The following TBL1Y variants were observed in gnomAD, a reference collection of about 807,000 sequenced individuals.
TBL1Y encodes the protein transducin beta like 1 Y-linked.
TBL1Y carries 15 observed loss-of-function variants against 12.0 expected under a neutral mutation model. That is an observed-to-expected ratio of 1.25 (90% confidence interval 0.83 to 1.92). TBL1Y has a LOEUF of 1.92. Ranked by LOEUF, TBL1Y falls within the 40% of genes most tolerant of loss-of-function variation. The probability of loss-of-function intolerance (pLI) is 0.00; values close to 1 mark genes in which losing one functional copy is unlikely to be tolerated. For synonymous variants in TBL1Y, 53 were observed against 42.6 expected (o/e 1.24, Z -0.95); for missense variants, 148 against 116.7 (o/e 1.27, Z -1.24).
chrY:6,945,601 T>A, intron 2 of TBL1Y, among the ~76,000 whole-genome samples: 1 of 32,259 alleles, frequency 3.1e-5, no homozygotes, highest in Non-Finnish European at 7.5e-5. Flanking sequence ...GGAGATGAGG[T>A]CTTAGTATGT....
At chrY:6,922,388 G>A (rs748796238) in intron 2 of TBL1Y, among the ~76,000 whole-genome samples, 1 of 34,458 alleles carries the variant, frequency 2.9e-5, no homozygotes, top group South Asian at 6.4e-4. Context: ...TTTTGACAAG[G>A]TGCTGATTGG....
At chrY:6,911,617 C>A (rs1603024027) in intron 1 of TBL1Y, among the ~76,000 whole-genome samples, 3 of 34,931 alleles carry the variant, frequency 8.6e-5, no homozygotes, top group African/African-American at 3.3e-4. Context: ...GGCAACCCCC[C>A]CCGCGCCCCC....
intron 14 of TBL1Y, among the ~76,000 whole-genome samples, chrY:7,082,246 A>G (rs2013103079): frequency 1.2e-4 from 4 of 32,731 alleles, no homozygotes; most frequent in African/African-American, 4.8e-4. Context: ...ATGACAAAGA[A>G]AATCCTAAAA....
At chrY:6,964,111 CT>C (rs2012152154) in intron 2 of TBL1Y, among the ~76,000 whole-genome samples, 1 of 33,838 alleles carries the variant, frequency 3.0e-5, no homozygotes, top group Non-Finnish European at 7.3e-5. Context: ...AAGCAACCCC[CT>C]AATTGCTTGA....
chrY:6,994,471 G>A (rs773080103), intron 3 of TBL1Y, among the ~76,000 whole-genome samples: 68 of 33,178 alleles, frequency 2.0e-3, no homozygotes, highest in African/African-American at 3.2e-3. Flanking sequence ...CTCGGGTCCC[G>A]GCTAAACTGT....
chrY:7,000,638 C>T, intron 4 of TBL1Y, among the ~76,000 whole-genome samples: 2 of 34,284 alleles, frequency 5.8e-5, no homozygotes, highest in Non-Finnish European at 1.5e-4. Context: ...CTCACTCTGT[C>T]ACCCAGGCTG....
chrY:6,968,726 T>C, intron 2 of TBL1Y, among the ~76,000 whole-genome samples: 1 of 33,245 alleles, frequency 3.0e-5, no homozygotes, highest in Non-Finnish European at 7.4e-5. Flanking sequence ...TTTCAGAACA[T>C]TTATTCTCGT....
At chrY:7,078,706 T>G in intron 13 of TBL1Y, among the ~76,000 whole-genome samples, 1 of 33,897 alleles carries the variant, frequency 3.0e-5, no homozygotes, top group Non-Finnish European at 7.3e-5. Flanking sequence ...GGTTCAGAGG[T>G]CCTCTACATA....
intron 2 of TBL1Y, among the ~76,000 whole-genome samples, chrY:6,940,092 AC>A (rs1263887113): frequency 0.027 from 587 of 21,626 alleles, no homozygotes; most frequent in Middle Eastern, 0.15. Flanking sequence ...TACTAAAAAT[AC>A]AAAAAAAAAA....
intron 7 of TBL1Y, among the ~76,000 whole-genome samples, chrY:7,062,927 C>G: frequency 2.9e-5 from 1 of 34,192 alleles, no homozygotes; most frequent in Non-Finnish European, 7.3e-5. Flanking sequence ...AAATACTTTA[C>G]CAGCTCCCCT....
intron 4 of TBL1Y, among the ~76,000 whole-genome samples, chrY:7,014,969 C>T (rs2012541217): frequency 3.0e-5 from 1 of 33,391 alleles, no homozygotes. Flanking sequence ...GGGTAAGGCT[C>T]ATGCAGAACT....
rs775477065 is a variant in TBL1Y, at chrY:7,087,283, A to G, written c.1297A>G (p.Thr433Ala). 2.6e-6 allele frequency: 1 copy of G among 385,505 alleles called. No homozygotes were observed. Among genetic ancestry groups the G allele is most frequent in the African/African-American group, 7.0e-5 (1 of 14,252 alleles). ...IMLASASFDS[T>A]VRLWDVEQGV... Reference sequence around the variant, plus strand: ...TCCTCCTAGTGCTTCATTTGATTCTACAGTGCGACTGTGGGATGTGGAGCA... The same window carrying G: ...TCCTCCTAGTGCTTCATTTGATTCTGCAGTGCGACTGTGGGATGTGGAGCA... The change falls in exon 17 of 19, where the codon ACA becomes GCA. Residue 433 changes from threonine (T) to alanine (A), a missense_variant. Physicochemically the swap from Thr to Ala is moderately conservative, Grantham distance 58. Transcript: ENST00000383032.
At chrY:6,982,082 TTA>T (rs2012287503) in intron 3 of TBL1Y, among the ~76,000 whole-genome samples, 1 of 33,459 alleles carries the variant, frequency 3.0e-5, no homozygotes, top group African/African-American at 1.2e-4. Context: ...ACAAAAGTCC[TTA>T]CTGTATGTAT....
Position 7,064,043 on chromosome Y carries a change from A to G in TBL1Y, c.351A>G (p.Ala117=). ...GTGCAGCAGCCACAGAGGCATCAGC[A>G]ATGGCAAAGGCGGCAACCATGACCC... ...QASAAATEAS[A]MAKAATMTPA... is the part of the protein sequence containing the mutation. The change falls in exon 8 of 19, where the codon GCA becomes GCG. Residue 117 remains alanine (A), a synonymous_variant. Transcript: ENST00000383032. 2.5e-6 allele frequency: 1 copy of G among 396,739 alleles called. No homozygotes were observed. Among genetic ancestry groups the G allele is most frequent in the East Asian group, 9.3e-5 (1 of 10,737 alleles).
intron 7 of TBL1Y, among the ~76,000 whole-genome samples, chrY:7,048,945 A>G (rs2012778619): frequency 6.1e-5 from 2 of 32,688 alleles, no homozygotes; most frequent in South Asian, 1.4e-3. Context: ...GGTTTGTTGC[A>G]TATGTATACA....
chrY:7,011,925 T>C (rs2012521447), intron 4 of TBL1Y, among the ~76,000 whole-genome samples: 1 of 32,839 alleles, frequency 3.0e-5, no homozygotes, highest in African/African-American at 1.2e-4. Context: ...TGGTTTCCAG[T>C]TGGAGTTAAA....
rs757770987 is a variant in TBL1Y at position 7,034,192 on chromosome Y, C to A, written c.59-8788C>A. ...AGCATTCCTATACATCAATAACAGACAAACAAACAGCCAAATCATGAGTGA... is the reference window on the plus strand; with the variant it reads ...AGCATTCCTATACATCAATAACAGAAAAACAAACAGCCAAATCATGAGTGA... On this transcript the variant is annotated intron_variant, in intron 6 of 18. Coordinates refer to ENST00000383032, the MANE Select transcript of TBL1Y (RefSeq NM_033284.2). 1.5e-3 allele frequency among the ~76,000 whole-genome samples: 51 copies of A among 32,906 alleles called. No homozygotes were observed. In the South Asian group the frequency reaches 0.029, roughly 18 times the overall value. 88.3% of individuals were successfully genotyped at this position (32,906 alleles called of 37,273 possible).
chrY:7,062,067 C>T, intron 7 of TBL1Y, among the ~76,000 whole-genome samples: 1 of 31,903 alleles, frequency 3.1e-5, no homozygotes, highest in African/African-American at 1.2e-4. Context: ...GAGGAGGGCT[C>T]ATGTGAGTAG....
At chrY:7,054,620 C>T (rs778370786) in intron 7 of TBL1Y, among the ~76,000 whole-genome samples, 1 of 34,178 alleles carries the variant, frequency 2.9e-5, no homozygotes, top group African/African-American at 1.1e-4. Context: ...GCAGACCTAC[C>T]GCTGACTTCC....
Sources: allele counts gnomAD v4.1 joint callset (sites outside exome capture counted in the v4.1 genomes callset), GRCh38; gene constraint gnomAD v4.1.1; transcripts MANE v1.5; gene names NCBI Gene and HGNC (gene_info 2026-07-23, HGNC 2026-07-21).